TNS1: variants seen among roughly 807,000 people sequenced by gnomAD.
TNS1 encodes tensin-1.
Under a neutral mutation model 168.6 loss-of-function variants are expected in TNS1, and 62 were observed. The ratio of observed to expected loss-of-function variants is 0.37; its 90% CI spans 0.30 to 0.45. The LOEUF (loss-of-function observed/expected upper bound fraction) is 0.45. Among genes scored for constraint, TNS1 ranks in the 20% least tolerant of loss-of-function variants. TNS1 has a pLI of 1.00. For missense variants in TNS1, 2,240 were observed against 2,339.4 expected (o/e 0.96, Z 0.88); for synonymous variants, 934 against 933.2 (o/e 1.00, Z -0.02).
At chr2:217,895,351 G>C (rs563255840) in intron 8 of TNS1, among the ~76,000 whole-genome samples, 1 of 152,298 alleles carries the variant, frequency 6.6e-6, no homozygotes, top group East Asian at 1.9e-4. Context: ...ACACCGTCAC[G>C]AAGAGGAACT....
At chr2:217,911,000 G>A (rs1403125197) in intron 4 of TNS1, among the ~76,000 whole-genome samples, 3 of 152,152 alleles carry the variant, frequency 2.0e-5, no homozygotes, top group Admixed American at 6.5e-5. Context: ...CTGGCAGGGT[G>A]AGCTGGTGCC....
intron 22 of TNS1, among the ~76,000 whole-genome samples, chr2:217,825,464 A>G (rs992117196): frequency 1.3e-5 from 2 of 152,170 alleles, no homozygotes; most frequent in Non-Finnish European, 2.9e-5. Flanking sequence ...ACCTTTTAAG[A>G]GTCCATCAAC....
At chr2:218,013,242 C>A (rs1363221248), upstream of TNS1, among the ~76,000 whole-genome samples, 2 of 150,080 alleles carry the variant, frequency 1.3e-5, no homozygotes, top group Admixed American at 1.3e-4. Context: ...GGTGACAGAG[C>A]GAGACTCTAT....
chr2:217,848,701 C>A lies in TNS1; in HGVS notation c.1816G>T (p.Val606Phe). The stretch of plus-strand genomic sequence containing the variant: ...CCATTGACATGAACCTGGGCTGGGA[C>A]AACGTGGCGTCCAGAGGAGGGCACA... ...SAVPSSGRHV[V>F]PAQVHVNGGA... The change falls in exon 19 of 33, where the codon GTC becomes TTC. Residue 606 changes from valine to phenylalanine, a missense_variant. This residue lies in a region of TNS1 where 2,131 missense variants were observed against 2,171.2 expected (regional missense o/e 0.98). Transcript: ENST00000682258. 1.2e-6 allele frequency: 2 copies of A among 1,614,218 alleles called. No individual in the cohort carries two copies. Among genetic ancestry groups the A allele is most frequent in the African/African-American group, 2.7e-5 (2 of 75,066 alleles).
chr2:217,949,031 T>C (rs11890646), intron 3 of TNS1, among the ~76,000 whole-genome samples: 23,491 of 152,070 alleles, frequency 0.15, 4,075 homozygotes, highest in African/African-American at 0.43. Flanking sequence ...AGGCACACAC[T>C]GGCAGCCCCT....
intron 2 of TNS1, among the ~76,000 whole-genome samples, chr2:217,987,887 T>A (rs946736472): frequency 6.6e-6 from 1 of 152,118 alleles, no homozygotes; most frequent in African/African-American, 2.4e-5. Context: ...GGTGAATGGA[T>A]GGATGAGGGG....
At chr2:217,898,671 C>G (rs1034187714) in intron 7 of TNS1, among the ~76,000 whole-genome samples, 1 of 152,248 alleles carries the variant, frequency 6.6e-6, no homozygotes, top group African/African-American at 2.4e-5. Flanking sequence ...TCCCTGATTT[C>G]TAAGGGCCCA....
intron 3 of TNS1, among the ~76,000 whole-genome samples, chr2:217,961,454 G>A (rs1026588530): frequency 2.0e-5 from 3 of 152,090 alleles, no homozygotes; most frequent in African/African-American, 7.2e-5. Context: ...GAAAACTCCA[G>A]GTCCAAGTCC....
At position 217,978,821 on chromosome 2, in the gene TNS1, CAGAA is replaced by C. The variant is rs1358330707; in HGVS notation, c.149-23_149-20del. ...CTGCAGACTGCAAGAGGGCGAGACA[CAGAA>C]AGAAAGTTTTAGCCGCGAGGTATGA... On this transcript the variant is annotated intron_variant, in intron 2 of 32. Coordinates refer to ENST00000682258, the MANE Select transcript of TNS1 (RefSeq NM_001387777.1). 4 of 702,180 alleles carry C rather than the reference CAGAA, an allele frequency of 5.7e-6. No individual in the cohort carries two copies. The highest frequency in any genetic ancestry group is 3.5e-5 in the African/African-American group (2 of 57,192). The allele number at this position is 702,180 out of a possible 1,614,324, so 43.5% of individuals were successfully genotyped here.
chr2:217,843,235 G>T (rs1279761215), intron 19 of TNS1, among the ~76,000 whole-genome samples: 1 of 151,874 alleles, frequency 6.6e-6, no homozygotes, highest in East Asian at 1.9e-4. Context: ...TCATGAAGAG[G>T]TATCTCACCT....
intron 4 of TNS1, among the ~76,000 whole-genome samples, chr2:217,913,681 A>C (rs956572842): frequency 6.6e-6 from 1 of 152,004 alleles, no homozygotes; most frequent in African/African-American, 2.4e-5. Context: ...GATAGCCCTT[A>C]GTGCTTAGCA....
At chr2:217,835,281 A>T in intron 20 of TNS1, 115 bp from the exon 21 acceptor site, 1 of 969,744 alleles carries the variant, frequency 1.0e-6, no homozygotes, top group Non-Finnish European at 1.5e-6. Context: ...TCCCCTCGTC[A>T]GCCTGGCTCC....
chr2:217,885,693 AG>A (rs1951127166), intron 15 of TNS1, 50 bp downstream of exon 15: 1 of 1,569,162 alleles, frequency 6.4e-7, no homozygotes, highest in African/African-American at 1.4e-5. Flanking sequence ...TAAGAAAAGA[AG>A]GGAGAGAAAA....
chr2:217,889,026 T>C (rs1471641424), intron 12 of TNS1, among the ~76,000 whole-genome samples: 1 of 152,132 alleles, frequency 6.6e-6, no homozygotes, highest in African/African-American at 2.4e-5. Context: ...TCCTTCAAGG[T>C]CAAAGGCCAC....
At chr2:217,953,619 AC>A (rs1957292773) in intron 3 of TNS1, among the ~76,000 whole-genome samples, 3 of 151,618 alleles carry the variant, frequency 2.0e-5, no homozygotes, top group Admixed American at 1.3e-4. Flanking sequence ...GCCTTTGCCC[AC>A]TCCCACCCAC....
intron 3 of TNS1, among the ~76,000 whole-genome samples, chr2:217,965,814 G>A (rs1007799368): frequency 2.0e-5 from 3 of 152,120 alleles, no homozygotes; most frequent in Non-Finnish European, 4.4e-5. Flanking sequence ...GGTGGCTGGT[G>A]TGGACCAGGG....
rs116373339 is a variant in TNS1, at chr2:217,881,151, G to A, written c.1313-137C>T. 8.6e-4 allele frequency: 545 copies of A among 636,208 alleles called. 2 individuals carry two copies. Among genetic ancestry groups the A allele is most frequent in the African/African-American group, 7.8e-3 (429 of 54,668 alleles). The allele number at this position is 636,208 out of a possible 1,614,324, so 39.4% of individuals were successfully genotyped here. Reference sequence around the variant, plus strand: ...TGAGGGACTTCTCATTTTCTTGAGCGTGGTGGGCGGGACCAGTGGCTTAAG... The same window carrying A: ...TGAGGGACTTCTCATTTTCTTGAGCATGGTGGGCGGGACCAGTGGCTTAAG... On this transcript the variant is annotated intron_variant, in intron 17 of 32. Coordinates refer to ENST00000682258, the MANE Select transcript of TNS1 (RefSeq NM_001387777.1).
intron 1 of TNS1, among the ~76,000 whole-genome samples, chr2:218,016,812 G>A (rs1958765511): frequency 6.6e-6 from 1 of 152,208 alleles, no homozygotes; most frequent in Non-Finnish European, 1.5e-5. Flanking sequence ...GTGGTGAGAA[G>A]AAAACAAGCA....
At chr2:218,029,974 C>T (rs1343039643) in intron 1 of TNS1, among the ~76,000 whole-genome samples, 1 of 152,182 alleles carries the variant, frequency 6.6e-6, no homozygotes, top group Non-Finnish European at 1.5e-5. Context: ...TCAACTTCCT[C>T]CTGCTCCTCG....
Sources: allele counts gnomAD v4.1 joint callset (sites outside exome capture counted in the v4.1 genomes callset), GRCh38; gene constraint gnomAD v4.1.1; regional missense constraint gnomAD v4.1.1; transcripts MANE v1.5; gene names NCBI Gene and HGNC (gene_info 2026-07-23, HGNC 2026-07-21).